The following SIPA1L3 variants were observed in gnomAD, a reference collection of about 807,000 sequenced individuals.
SIPA1L3 encodes signal induced proliferation associated 1 like 3.
A neutral mutation model predicts 150.1 loss-of-function variants in SIPA1L3; 59 were observed. The observed-to-expected ratio is 0.39, with a 90% CI of 0.32 to 0.49. SIPA1L3 has a LOEUF of 0.49. SIPA1L3 is among the 20% of genes least tolerant of loss of function. The pLI is 0.86. For missense variants in SIPA1L3, 2,211 were observed against 2,489.5 expected (o/e 0.89, Z 2.38); for synonymous variants, 1,070 against 1,077.6 (o/e 0.99, Z 0.14).
At chr19:38,077,188 C>T (rs1399201798) in intron 2 of SIPA1L3, among the ~76,000 whole-genome samples, 1 of 152,138 alleles carries the variant, frequency 6.6e-6, no homozygotes, top group Admixed American at 6.6e-5. Context: ...CGGTGCCTCA[C>T]ACCTGTAATC....
chr19:38,175,720 T>G (rs1972421646), intron 15 of SIPA1L3, among the ~76,000 whole-genome samples: 1 of 152,142 alleles, frequency 6.6e-6, no homozygotes, highest in African/African-American at 2.4e-5. Flanking sequence ...GTGCTGTCAT[T>G]GCCTCATTTC....
intron 2 of SIPA1L3, among the ~76,000 whole-genome samples, chr19:38,052,481 C>A (rs1393865438): frequency 1.3e-5 from 2 of 152,246 alleles, no homozygotes; most frequent in Non-Finnish European, 2.9e-5. Context: ...TGGCTTCTCA[C>A]CACCTCTACC....
At position 38,194,698 on chromosome 19, in the gene SIPA1L3, G is replaced by A. The variant is rs1343033826; in HGVS notation, c.4840+918G>A. On this transcript the variant is annotated intron_variant, in intron 18 of 21. Transcript: ENST00000222345. The stretch of plus-strand genomic sequence containing the variant: ...GTACAGAGCCTCTTGTGAGCTGTGG[G>A]GGATGGGGTGGAGGAGACTCTGGGA... 3.3e-5 allele frequency among the ~76,000 whole-genome samples: 5 copies of A among 152,210 alleles called. 1 individual carries two copies. Among genetic ancestry groups the A allele is most frequent in the African/African-American group, 1.2e-4 (5 of 41,450 alleles).
intron 2 of SIPA1L3, among the ~76,000 whole-genome samples, chr19:38,070,065 G>C (rs1969682026): frequency 6.6e-6 from 1 of 151,984 alleles, no homozygotes. Context: ...TCTGGCCTTG[G>C]ATACTGGCTG....
intron 1 of SIPA1L3, among the ~76,000 whole-genome samples, chr19:37,963,684 T>C (rs1291704651): frequency 2.0e-5 from 3 of 152,240 alleles, no homozygotes; most frequent in Non-Finnish European, 4.4e-5. Flanking sequence ...CTTTGGTTGA[T>C]TTCTAGAATC....
chr19:38,130,382 A>C, intron 9 of SIPA1L3, 116 bp from the exon 10 acceptor site: 6 of 1,043,404 alleles, frequency 5.8e-6, no homozygotes, highest in African/African-American at 1.6e-5. Context: ...CCGGGAAGGT[A>C]TTAATAGATG....
rs963871171 is a variant in SIPA1L3 at position 38,151,779 on chromosome 19, A to G, written c.3534-1061A>G. 1.8e-4 allele frequency among the ~76,000 whole-genome samples: 27 copies of G among 152,126 alleles called. No individual in the cohort carries two copies. The Middle Eastern group carries it at 0.01, about 57-fold the overall frequency. On this transcript the variant is annotated intron_variant, in intron 12 of 21. Coordinates refer to ENST00000222345, the MANE Select transcript of SIPA1L3 (RefSeq NM_015073.3). ...GGAGTTCAAGACCAGCCTGGGCAAC[A>G]TGGTGAAACCCATCTCTACAAAAAA...
intron 2 of SIPA1L3, among the ~76,000 whole-genome samples, chr19:38,072,031 C>A (rs138004804): frequency 6.6e-6 from 1 of 152,150 alleles, no homozygotes; most frequent in East Asian, 1.9e-4. Context: ...TCCGCATTGG[C>A]GACACACGTT....
Position 37,974,340 on chromosome 19 carries a change from T to C in SIPA1L3, c.-378-54749T>C, listed in dbSNP as rs143702226. On this transcript the variant is annotated intron_variant, in intron 1 of 21. Transcript: ENST00000222345. Reference sequence around the variant, plus strand: ...TTCAAGGTCAGCCTAGGCAACATGGTGAGATCCCATCTCTACAAAAAAATT... The same window carrying C: ...TTCAAGGTCAGCCTAGGCAACATGGCGAGATCCCATCTCTACAAAAAAATT... 8.1e-3 allele frequency among the ~76,000 whole-genome samples: 1,237 copies of C among 152,026 alleles called. 6 individuals are homozygous for C. The highest frequency in any genetic ancestry group is 0.012 in the Admixed American group (189 of 15,264).
chr19:38,202,591 A>C (rs1973112875), intron 20 of SIPA1L3, among the ~76,000 whole-genome samples: 2 of 152,094 alleles, frequency 1.3e-5, no homozygotes, highest in African/African-American at 4.8e-5. Context: ...CCATCTCAAA[A>C]AAAAGAAAAA....
chr19:37,975,474 C>T (rs561904114), intron 1 of SIPA1L3, among the ~76,000 whole-genome samples: 22 of 152,222 alleles, frequency 1.4e-4, no homozygotes, highest in East Asian at 5.8e-4. Context: ...CCCACCAGCA[C>T]GTCACAGTGT....
intron 1 of SIPA1L3, among the ~76,000 whole-genome samples, chr19:37,958,703 A>G (rs1314863913): frequency 6.6e-6 from 1 of 152,216 alleles, no homozygotes; most frequent in Non-Finnish European, 1.5e-5. Context: ...ACTTCATGAA[A>G]ATTTAAAACT....
At chr19:38,060,256 A>G (rs1969418047) in intron 2 of SIPA1L3, among the ~76,000 whole-genome samples, 1 of 152,190 alleles carries the variant, frequency 6.6e-6, no homozygotes, top group Admixed American at 6.5e-5. Context: ...TTTTTCACTT[A>G]GTATCATGTC....
intron 1 of SIPA1L3, among the ~76,000 whole-genome samples, chr19:38,023,819 T>A (rs952721617): frequency 1.3e-5 from 2 of 152,208 alleles, no homozygotes; most frequent in African/African-American, 4.8e-5. Flanking sequence ...TCTTAGAGGC[T>A]GGGTAGACAC....
chr19:37,971,941 T>C (rs543028929), intron 1 of SIPA1L3, among the ~76,000 whole-genome samples: 1 of 152,312 alleles, frequency 6.6e-6, no homozygotes, highest in African/African-American at 2.4e-5. Flanking sequence ...TTGGATAATA[T>C]TCTGTTGTAC....
chr19:38,127,852 G>T (rs1031717629), intron 9 of SIPA1L3, among the ~76,000 whole-genome samples: 1 of 151,942 alleles, frequency 6.6e-6, no homozygotes, highest in Non-Finnish European at 1.5e-5. Flanking sequence ...AGTCCACTTA[G>T]CCTGAATATA....
intron 1 of SIPA1L3, among the ~76,000 whole-genome samples, chr19:37,988,500 A>G (rs1268776375): frequency 6.6e-6 from 1 of 152,156 alleles, no homozygotes; most frequent in Non-Finnish European, 1.5e-5. Flanking sequence ...ACATGGTGAA[A>G]CCCTGTCTCT....
chr19:37,922,808 G>T (rs968631106), intron 1 of SIPA1L3, among the ~76,000 whole-genome samples: 2 of 151,754 alleles, frequency 1.3e-5, no homozygotes, highest in African/African-American at 4.8e-5. Flanking sequence ...CCTTCAAGTG[G>T]AAGAGTCAAT....
chr19:38,171,951 C>T (rs1337035135), intron 15 of SIPA1L3, among the ~76,000 whole-genome samples: 3 of 152,100 alleles, frequency 2.0e-5, no homozygotes, highest in Non-Finnish European at 4.4e-5. Flanking sequence ...TTGGGGAAAT[C>T]AGCAGTGGCC....
Sources: gnomAD v4.1 joint callset for allele counts (sites outside exome capture counted in the v4.1 genomes callset) on GRCh38, gnomAD v4.1.1 for gene constraint, MANE v1.5 for transcripts, NCBI Gene and HGNC (gene_info 2026-07-23, HGNC 2026-07-21) for gene names.